The following KCNG3 variants were observed in gnomAD, a reference collection of about 807,000 sequenced individuals.
KCNG3 encodes voltage-gated potassium channel regulatory subunit KCNG3.
In KCNG3, 15 loss-of-function variants were observed where a neutral mutation model predicts 29.0. That is an observed-to-expected ratio of 0.52 (90% CI 0.35 to 0.80). KCNG3 has a LOEUF of 0.80. Among genes scored for constraint, KCNG3 ranks in the 30% least tolerant of loss-of-function variants. The pLI, the probability that KCNG3 is intolerant of heterozygous loss-of-function variation, is 0.01. For synonymous variants in KCNG3, 322 were observed against 248.9 expected (o/e 1.29, Z -2.76); for missense variants, 512 against 605.7 (o/e 0.85, Z 1.62).
chr2:42,451,412 T>C (rs1010570231), intron 1 of KCNG3, among the ~76,000 whole-genome samples: 4 of 151,046 alleles, frequency 2.6e-5, no homozygotes, highest in African/African-American at 7.3e-5. Context: ...ACCCCATCTC[T>C]ACTACAAATA....
At chr2:42,437,133 T>C (rs1672391206), downstream of KCNG3, among the ~76,000 whole-genome samples, 1 of 152,184 alleles carries the variant, frequency 6.6e-6, no homozygotes. Context: ...TTACATGCTA[T>C]AGTGTTCCTA....
chr2:42,441,327 G>A (rs1271488950), downstream of KCNG3, among the ~76,000 whole-genome samples: 2 of 152,110 alleles, frequency 1.3e-5, no homozygotes, highest in Non-Finnish European at 2.9e-5. Context: ...GTTCAAAACT[G>A]CAGTGAGCTA....
intron 1 of KCNG3, among the ~76,000 whole-genome samples, chr2:42,490,094 G>A (rs2103743569): frequency 6.6e-6 from 1 of 152,236 alleles, no homozygotes; most frequent in South Asian, 2.1e-4. Flanking sequence ...ATTCTCCCTG[G>A]AATTCAAGGC....
Position 42,444,184 on chromosome 2 carries a change from T to C in KCNG3, c.1061A>G (p.Asn354Ser), listed in dbSNP as rs1672546837. ...LEHGLDLETS[N>S]KDFTSIPAAC... is the part of the protein sequence containing the mutation. ...AGCAGGAATGCTGGTAAAGTCCTTG[T>C]TGGATGTTTCCAGGTCCAGCCCATG... The change falls in exon 2 of 2, where the codon AAC (asparagine) becomes AGC (serine). Residue 354 changes from asparagine (N) to serine (S), a missense_variant. This residue lies in a region of KCNG3 where 173 missense variants were observed against 262.4 expected (regional missense o/e 0.66). Coordinates refer to ENST00000306078, the MANE Select transcript of KCNG3 (RefSeq NM_133329.6). The surrounding 1 kb of genome is among the most constrained non-coding windows in gnomAD (Gnocchi z 5.8). The C allele has an allele frequency of 1.2e-6, 2 of 1,614,074 alleles. No individual in the cohort carries two copies. The highest frequency in any genetic ancestry group is 2.2e-5 in the East Asian group (1 of 44,898).
chr2:42,443,263 A>G lies in KCNG3; in HGVS notation c.*671T>C, dbSNP rs879679784. Reference sequence around the variant, plus strand: ...TAAATACCTTTTGAGTCATTACAGTAAAGAGATAAATCCAAAATGGAAAAG... The same window carrying G: ...TAAATACCTTTTGAGTCATTACAGTGAAGAGATAAATCCAAAATGGAAAAG... On this transcript the variant is annotated 3_prime_UTR_variant, in exon 2 of 2. Coordinates refer to ENST00000306078, the MANE Select transcript of KCNG3 (RefSeq NM_133329.6). 2 of 152,452 alleles carry G rather than the reference A, an allele frequency of 1.3e-5. No homozygotes were observed. The highest frequency in any genetic ancestry group is 2.9e-5 in the Non-Finnish European group (2 of 68,040). The allele number at this position is 152,452 out of a possible 1,614,324, so 9.4% of individuals were successfully genotyped here. A position where few individuals can be genotyped will look rare whatever the true frequency, so the allele number is the denominator to read the frequency against.
At chr2:42,459,526 C>T (rs942309083) in intron 1 of KCNG3, among the ~76,000 whole-genome samples, 3 of 152,190 alleles carry the variant, frequency 2.0e-5, no homozygotes, top group Non-Finnish European at 4.4e-5. Flanking sequence ...GGGATGACAA[C>T]ATATTAACCT....
the KCNG3 span, among the ~76,000 whole-genome samples, chr2:42,420,639 A>G: frequency 6.6e-6 from 1 of 151,922 alleles, no homozygotes; most frequent in African/African-American, 2.4e-5. Flanking sequence ...AAAATACATA[A>G]TTAGCCGGAC....
chr2:42,478,926 G>A (rs1673509233), intron 1 of KCNG3, among the ~76,000 whole-genome samples: 1 of 150,994 alleles, frequency 6.6e-6, no homozygotes, highest in South Asian at 2.1e-4. Context: ...CTTCTAATAT[G>A]GTTGGGACTA....
the KCNG3 span, among the ~76,000 whole-genome samples, chr2:42,413,228 C>A: frequency 6.6e-6 from 1 of 152,214 alleles, no homozygotes; most frequent in South Asian, 2.1e-4. Context: ...TGGTCTCAAA[C>A]TCCTGGGCTC....
the KCNG3 span, among the ~76,000 whole-genome samples, chr2:42,397,139 G>A: frequency 3.2e-4 from 48 of 152,142 alleles, no homozygotes; most frequent in African/African-American, 1.1e-3. Context: ...CAGCTACTCA[G>A]GAGGCTGAGG....
At chr2:42,436,915 T>G in the KCNG3 span, among the ~76,000 whole-genome samples, 1 of 152,180 alleles carries the variant, frequency 6.6e-6, no homozygotes, top group African/African-American at 2.4e-5. Flanking sequence ...CTTTCATACA[T>G]GCATGAAAAA....
At chr2:42,425,271 C>T in the KCNG3 span, among the ~76,000 whole-genome samples, 6 of 150,116 alleles carry the variant, frequency 4.0e-5, no homozygotes, top group South Asian at 6.3e-4. Flanking sequence ...CGTGGTGGCG[C>T]GCCTGTAGTC....
chr2:42,396,614 G>C, the KCNG3 span, among the ~76,000 whole-genome samples: 1 of 152,140 alleles, frequency 6.6e-6, no homozygotes, highest in Non-Finnish European at 1.5e-5. Flanking sequence ...GAGCTGGGGA[G>C]AACCAGTTCA....
chr2:42,407,052 A>T, the KCNG3 span, among the ~76,000 whole-genome samples: 2 of 152,126 alleles, frequency 1.3e-5, no homozygotes, highest in Non-Finnish European at 2.9e-5. Context: ...AAAACACTTC[A>T]CATCATGCTT....
At chr2:42,455,329 T>C (rs1308358984) in intron 1 of KCNG3, among the ~76,000 whole-genome samples, 1 of 152,222 alleles carries the variant, frequency 6.6e-6, no homozygotes, top group African/African-American at 2.4e-5. Context: ...AAAACAGTAC[T>C]GACTTTGACA....
chr2:42,438,086 G>C (rs1672405335), downstream of KCNG3, among the ~76,000 whole-genome samples: 1 of 151,834 alleles, frequency 6.6e-6, no homozygotes, highest in Non-Finnish European at 1.5e-5. Context: ...TGTAGAGAAA[G>C]AAAGCATGGA....
the KCNG3 span, among the ~76,000 whole-genome samples, chr2:42,411,101 T>C: frequency 1.3e-5 from 2 of 152,226 alleles, no homozygotes; most frequent in Non-Finnish European, 2.9e-5. Context: ...TATTTTCTCA[T>C]GCATTTTAAT....
the KCNG3 span, among the ~76,000 whole-genome samples, chr2:42,428,184 G>A: frequency 6.6e-6 from 1 of 151,296 alleles, no homozygotes; most frequent in East Asian, 1.9e-4. Context: ...TTTAGCCTGG[G>A]CATGTTGGCT....
At chr2:42,410,327 T>C in the KCNG3 span, among the ~76,000 whole-genome samples, 1 of 152,202 alleles carries the variant, frequency 6.6e-6, no homozygotes, top group African/African-American at 2.4e-5. Context: ...TTATCAGAAG[T>C]GGTACTGCTT....
Sources: gnomAD v4.1 joint callset for allele counts (sites outside exome capture counted in the v4.1 genomes callset) on GRCh38, gnomAD v4.1.1 for gene constraint, gnomAD v4.1.1 regional missense constraint, Gnocchi (gnomAD v3.1) non-coding constraint, MANE v1.5 for transcripts, NCBI Gene and HGNC (gene_info 2026-07-23, HGNC 2026-07-21) for gene names.